CCDC180: variants seen among roughly 807,000 people sequenced by gnomAD.
CCDC180 encodes coiled-coil domain-containing protein 180.
A neutral mutation model predicts 209.2 loss-of-function variants in CCDC180; 154 were observed. The ratio of observed to expected loss-of-function variants is 0.74; its 90% CI spans 0.65 to 0.84. CCDC180 has a LOEUF of 0.84. Ranked by LOEUF, CCDC180 falls within the 40% of genes least tolerant of loss-of-function variation. The pLI is 0.00. For synonymous variants in CCDC180, 778 were observed against 749.1 expected (o/e 1.04, Z -0.63); for missense variants, 1,874 against 1,997.3 (o/e 0.94, Z 1.18).
intron 22 of CCDC180, among the ~76,000 whole-genome samples, chr9:97,353,033 C>G (rs1826469038): frequency 6.6e-6 from 1 of 151,924 alleles, no homozygotes. Context: ...GTCTTGCTCT[C>G]TCACCCAGGC....
At chr9:97,312,458 A>G (rs1446432283) in intron 4 of CCDC180, among the ~76,000 whole-genome samples, 1 of 152,026 alleles carries the variant, frequency 6.6e-6, no homozygotes, top group Non-Finnish European at 1.5e-5. Flanking sequence ...AAAGGATGCC[A>G]CTCGTTTTCT....
chr9:97,330,396 A>C lies in CCDC180; in HGVS notation c.1903A>C (p.Arg635=). The C allele has an allele frequency of 6.2e-7, 1 of 1,614,210 alleles. No homozygotes were observed. The highest frequency in any genetic ancestry group is 1.1e-5 in the South Asian group (1 of 91,092). The change falls in exon 18 of 37, where the codon AGA becomes CGA. Residue 635 remains arginine (R), a synonymous_variant. Transcript: ENST00000529487. ...GCAAGGGTCTAAAGAGGACATGACC[A>C]GAAGTGAGGAAAGCATAAGTAGTGG... ...KKQGSKEDMT[R]SEESISSGTS...
chr9:97,369,816 G>C, intron 31 of CCDC180, 106 bp from the exon 32 acceptor site: 4 of 1,297,402 alleles, frequency 3.1e-6, no homozygotes, highest in Non-Finnish European at 4.3e-6. Flanking sequence ...TGGAGACCAA[G>C]ATTTTCTCTT....
rs373781016 is a variant in CCDC180 at position 97,308,105 on chromosome 9, A to G, written c.42A>G (p.Lys14=). ...VGKVTQVPNG[K]AYQQIFQAEV... ...AGGTGACCCAGGTTCCGAATGGGAA[A>G]GCCTACCAGCAGATCTTCCAGGCTG... The change falls in exon 2 of 37, where the codon AAA becomes AAG. Residue 14 remains lysine, a synonymous_variant. Coordinates refer to ENST00000529487, the MANE Select transcript of CCDC180 (RefSeq NM_020893.6). 3 of 1,610,082 alleles carry G rather than the reference A, an allele frequency of 1.9e-6. No homozygotes were observed. In the African/African-American group the frequency reaches 4.0e-5, roughly 22 times the overall value.
chr9:97,307,691 C>T lies in CCDC180; in HGVS notation c.-197C>T, dbSNP rs755852787. On this transcript the variant is annotated 5_prime_UTR_variant, in exon 1 of 37. Coordinates refer to ENST00000529487, the MANE Select transcript of CCDC180 (RefSeq NM_020893.6). ...GTTAACTTTTCCCCGAAGAGCATGGCAGAGTGAAGCACAAGCAATAATCCT... is the reference window on the plus strand; with the variant it reads ...GTTAACTTTTCCCCGAAGAGCATGGTAGAGTGAAGCACAAGCAATAATCCT... 4 of 1,575,040 alleles carry T rather than the reference C, an allele frequency of 2.5e-6. No homozygotes were observed. In the African/African-American group the frequency reaches 5.4e-5, roughly 21 times the overall value.
At chr9:97,324,013 G>A in intron 13 of CCDC180, 110 bp downstream of exon 13, 1 of 1,308,382 alleles carries the variant, frequency 7.6e-7, no homozygotes, top group Middle Eastern at 2.7e-4. Context: ...TTCCTAGTGT[G>A]TCCGCTCACC....
At chr9:97,322,769 G>A (rs767587553) in intron 11 of CCDC180, 64 bp from the exon 12 acceptor site, 132 of 1,432,112 alleles carry the variant, frequency 9.2e-5, no homozygotes, top group Non-Finnish European at 1.2e-4. Context: ...TTGCAAAGGG[G>A]ACACTCCCCT....
intron 19 of CCDC180, 194 bp downstream of exon 19, chr9:97,343,757 C>A: frequency 3.5e-6 from 2 of 574,298 alleles, no homozygotes; most frequent in Non-Finnish European, 6.1e-6. Context: ...TCACAGATAT[C>A]TTCTGTGAGA....
chr9:97,311,137 G>A (rs914767112), intron 3 of CCDC180, among the ~76,000 whole-genome samples: 6 of 152,172 alleles, frequency 3.9e-5, no homozygotes, highest in African/African-American at 7.2e-5. Context: ...CTGGGTGGGT[G>A]GATACCAGCC....
intron 5 of CCDC180, 98 bp from the exon 6 acceptor site, chr9:97,314,295 A>T: frequency 7.0e-7 from 1 of 1,435,146 alleles, no homozygotes; most frequent in Non-Finnish European, 9.7e-7. Context: ...ATCATTTTTG[A>T]GATAGAACCA....
intron 1 of CCDC180, 62 bp downstream of exon 1, chr9:97,307,868 C>A: frequency 6.2e-7 from 1 of 1,606,720 alleles, no homozygotes; most frequent in Non-Finnish European, 8.5e-7. Context: ...GCCGCCTACC[C>A]CCCAGCAGAG....
intron 8 of CCDC180, among the ~76,000 whole-genome samples, chr9:97,316,328 C>G (rs1226746682): frequency 2.6e-5 from 4 of 152,226 alleles, no homozygotes; most frequent in Non-Finnish European, 5.9e-5. Context: ...CAGTGCCACC[C>G]AGCTAGGAAG....
At chr9:97,308,832 C>T (rs1422049316) in intron 2 of CCDC180, among the ~76,000 whole-genome samples, 1 of 152,232 alleles carries the variant, frequency 6.6e-6, no homozygotes, top group Non-Finnish European at 1.5e-5. Context: ...ACATCACTCA[C>T]ATGATCCTGC....
At chr9:97,340,033 A>G (rs1313104824) in intron 18 of CCDC180, among the ~76,000 whole-genome samples, 1 of 151,930 alleles carries the variant, frequency 6.6e-6, no homozygotes, top group Non-Finnish European at 1.5e-5. Context: ...TCTTCTCTAC[A>G]CTGTTTATTC....
At position 97,354,531 on chromosome 9, in the gene CCDC180, C is replaced by T. The variant is rs755079859; in HGVS notation, c.3003-38C>T. On this transcript the variant is annotated intron_variant, in intron 22 of 36. Transcript: ENST00000529487. ...TTGGGATAGATGAGAACTCTTAGGT[C>T]TGATCTGTGGCTTTTATTTGTCTTT... 9.3e-6 allele frequency: 15 copies of T among 1,610,002 alleles called. No individual in the cohort carries two copies. In the Admixed American group the frequency reaches 2.5e-4, roughly 27 times the overall value.
At chr9:97,332,277 G>A (rs964673425) in intron 18 of CCDC180, among the ~76,000 whole-genome samples, 1 of 152,196 alleles carries the variant, frequency 6.6e-6, no homozygotes. Context: ...CTGTAGACCT[G>A]TAGTATAGTT....
chr9:97,364,173 G>T, intron 29 of CCDC180, 45 bp downstream of exon 29: 1 of 1,579,276 alleles, frequency 6.3e-7, no homozygotes, highest in Non-Finnish European at 8.7e-7. Context: ...AACCTGTTTT[G>T]GGTTGCAGGG....
rs184349000 is a variant in CCDC180 at position 97,336,753 on chromosome 9, C to G, written c.2274+5986C>G. The stretch of plus-strand genomic sequence containing the variant: ...CATTGAATCTATAAATTAACTTGGG[C>G]AGTATGGCCATTTTCACGATATTGA... On this transcript the variant is annotated intron_variant, in intron 18 of 36. Transcript: ENST00000529487. 8.5e-4 allele frequency among the ~76,000 whole-genome samples: 129 copies of G among 152,226 alleles called. No individual in the cohort carries two copies. In the East Asian group the frequency reaches 0.019, roughly 22 times the overall value.
intron 18 of CCDC180, among the ~76,000 whole-genome samples, chr9:97,335,730 C>A (rs919902218): frequency 2.6e-5 from 4 of 152,172 alleles, no homozygotes; most frequent in African/African-American, 9.7e-5. Flanking sequence ...ATTTCTAGTT[C>A]TAGATCCTTG....
Sources: allele counts gnomAD v4.1 joint callset (sites outside exome capture counted in the v4.1 genomes callset), GRCh38; gene constraint gnomAD v4.1.1; transcripts MANE v1.5; gene names NCBI Gene and HGNC (gene_info 2026-07-23, HGNC 2026-07-21).